UNC79: variants seen among roughly 807,000 people sequenced by gnomAD.
UNC79 encodes protein unc-79 homolog.
Under a neutral mutation model 283.1 loss-of-function variants are expected in UNC79, and 37 were observed. The ratio of observed to expected loss-of-function variants is 0.13; its 90% CI spans 0.10 to 0.17. The LOEUF (loss-of-function observed/expected upper bound fraction) is 0.17, where lower values mean the gene tolerates loss of function less well. Among genes scored for constraint, UNC79 ranks in the 10% least tolerant of loss-of-function variants. The probability of loss-of-function intolerance (pLI) is 1.00; values close to 1 mark genes in which losing one functional copy is unlikely to be tolerated. For missense variants in UNC79, 2,272 were observed against 3,211.1 expected (o/e 0.71, Z 7.07); for synonymous variants, 1,107 against 1,200.2 (o/e 0.92, Z 1.61).
At chr14:93,405,206 C>T (rs1471016111) in intron 1 of UNC79, among the ~76,000 whole-genome samples, 1 of 151,456 alleles carries the variant, frequency 6.6e-6, no homozygotes, top group Non-Finnish European at 1.5e-5. Context: ...TCGCTTGAAC[C>T]TGGGAGGCGG....
intron 39 of UNC79, among the ~76,000 whole-genome samples, chr14:93,659,850 C>T (rs2071348487): frequency 6.6e-6 from 1 of 152,164 alleles, no homozygotes; most frequent in Non-Finnish European, 1.5e-5. Flanking sequence ...ATTTCCTTTG[C>T]CTGAAATGTT....
exon 36 of UNC79, chr14:93,653,745 G>C (rs761352369): frequency 9.9e-6 from 16 of 1,612,302 alleles, no homozygotes; most frequent in South Asian, 1.1e-5. Flanking sequence ...ACTCCAGCAT[G>C]ATGGTTCCCG....
intron 5 of UNC79, among the ~76,000 whole-genome samples, chr14:93,493,826 C>A (rs1158441779): frequency 6.9e-6 from 1 of 145,376 alleles, no homozygotes. Context: ...AGGGGAAGCA[C>A]GTCTTACATG....
Position 93,683,405 on chromosome 14 carries a change from GT to G in UNC79, c.6819+718del, listed in dbSNP as rs202040496. Among the ~76,000 whole-genome samples, 1,049 of 152,088 alleles carry G rather than the reference GT, an allele frequency of 6.9e-3. 10 individuals carry two copies. Among genetic ancestry groups the G allele is most frequent in the African/African-American group, 0.024 (1,000 of 41,464 alleles). ...CACAGGCCAAGTCTAAAAGTGTGTG[GT>G]TTTTTTCCTACTCACATTCCATTGG... On this transcript the variant is annotated intron_variant, in intron 42 of 48. Transcript: ENST00000555664.
chr14:93,584,003 C>T (rs1215099724), intron 20 of UNC79, among the ~76,000 whole-genome samples: 1 of 151,888 alleles, frequency 6.6e-6, no homozygotes, highest in Admixed American at 6.6e-5. Context: ...GATGGGTTTT[C>T]GCCATGTTGC....
intron 18 of UNC79, among the ~76,000 whole-genome samples, chr14:93,579,701 T>C (rs2063675158): frequency 6.6e-6 from 1 of 152,208 alleles, no homozygotes; most frequent in African/African-American, 2.4e-5. Context: ...TGTGACAAGA[T>C]GTTCCAGGCT....
chr14:93,690,352 G>A lies in UNC79; in HGVS notation c.7272+49G>A. 2 of 1,562,350 alleles carry A rather than the reference G, an allele frequency of 1.3e-6. No homozygotes were observed. The highest frequency in any genetic ancestry group is 1.2e-5 in the South Asian group (1 of 83,134). On this transcript the variant is annotated intron_variant, in intron 45 of 48. Coordinates refer to ENST00000555664, the Ensembl canonical transcript of UNC79. The surrounding 1 kb of genome is among the most constrained non-coding windows in gnomAD (Gnocchi z 4.3). ...GACCGTATGCATCGCAATTGCTAAT[G>A]GAAACCTTATCAGCCAATTATGTTT...
rs1317260220 is a variant in UNC79, at chr14:93,365,900, A to AC, written c.-351+32378dup. 2.0e-5 allele frequency among the ~76,000 whole-genome samples: 3 copies of AC among 152,322 alleles called. No individual in the cohort carries two copies. The East Asian group carries it at 5.8e-4, about 29-fold the overall frequency. On this transcript the variant is annotated intron_variant, in intron 1 of 49. Transcript: ENST00000256339. ...GGCCTCAGATTGAAACAATCCGTCA[A>AC]CTGGAAGTAGAATAAATTATAAAAA...
chr14:93,400,328 G>A (rs910677006), intron 1 of UNC79, among the ~76,000 whole-genome samples: 2 of 151,982 alleles, frequency 1.3e-5, no homozygotes, highest in Non-Finnish European at 2.9e-5. Context: ...TATCTCAAAG[G>A]TTCTATTCTT....
intron 4 of UNC79, among the ~76,000 whole-genome samples, chr14:93,478,517 T>C (rs573601888): frequency 2.0e-5 from 3 of 152,162 alleles, no homozygotes; most frequent in Admixed American, 6.5e-5. Flanking sequence ...GAGTCAAACG[T>C]TGGGATCCAA....
chr14:93,691,647 CCCCTGTGCT>C (rs1408266543), intron 45 of UNC79, 93 bp from the exon 49 acceptor site: 2 of 1,202,616 alleles, frequency 1.7e-6, no homozygotes, highest in Non-Finnish European at 2.4e-6. Context: ...CTTTGTGCTT[CCCCTGTGCT>C]CCCTGGCAAG....
chr14:93,585,437 A>G (rs1480527731), intron 20 of UNC79, among the ~76,000 whole-genome samples: 1 of 152,140 alleles, frequency 6.6e-6, no homozygotes, highest in African/African-American at 2.4e-5. Context: ...ATTTCTTATC[A>G]TGGTCAGATA....
chr14:93,540,643 A>G lies in UNC79; in HGVS notation c.1353-17A>G, dbSNP rs1373488754. 6.2e-7 allele frequency: 1 copy of G among 1,608,610 alleles called. No individual in the cohort carries two copies. ...TTTTTTCACAGTCTAACTTGAAATC[A>G]CACTGCTCTTTGGCAGCTTGTTGAA... On this transcript the variant is annotated splice_polypyrimidine_tract_variant and intron_variant, in intron 12 of 48. Coordinates refer to ENST00000555664, the Ensembl canonical transcript of UNC79.
intron 6 of UNC79, 45 bp from the exon 7 acceptor site, chr14:93,497,108 CTTTT>C: frequency 6.4e-7 from 1 of 1,573,206 alleles, no homozygotes; most frequent in Non-Finnish European, 8.6e-7. Context: ...CTCTACCTTT[CTTTT>C]TATTTCATGA....
intron 4 of UNC79, 138 bp downstream of exon 4, chr14:93,477,866 G>C (rs983873034): frequency 1.1e-4 from 94 of 821,342 alleles, no homozygotes; most frequent in Non-Finnish European, 2.3e-5. Flanking sequence ...TTTCAATTCA[G>C]TCACTTTAGC....
chr14:93,440,600 G>T (rs2056265202), intron 1 of UNC79, among the ~76,000 whole-genome samples: 1 of 147,750 alleles, frequency 6.8e-6, no homozygotes. Context: ...ACTTCCTTTA[G>T]TTGTAGCCTA....
intron 1 of UNC79, among the ~76,000 whole-genome samples, chr14:93,374,188 C>T (rs145903886): frequency 1.4e-3 from 217 of 152,224 alleles, no homozygotes; most frequent in Non-Finnish European, 2.0e-3. Flanking sequence ...GAAGCAGGAC[C>T]GCTTCCAGGA....
chr14:93,704,750 A>G (rs967469531), intron 48 of UNC79, 84 bp downstream of exon 51: 1 of 1,495,948 alleles, frequency 6.7e-7, no homozygotes, highest in Non-Finnish European at 9.3e-7. Flanking sequence ...TGCTCCATTT[A>G]CTATGGAGAA....
At chr14:93,518,973 C>G (rs1028983110) in intron 7 of UNC79, among the ~76,000 whole-genome samples, 4 of 151,856 alleles carry the variant, frequency 2.6e-5, no homozygotes, top group Non-Finnish European at 5.9e-5. Context: ...AAATGTTGCA[C>G]GTGTACTTTA....
Sources: allele counts gnomAD v4.1 joint callset (sites outside exome capture counted in the v4.1 genomes callset), GRCh38; gene constraint gnomAD v4.1.1; non-coding constraint Gnocchi (gnomAD v3.1); transcripts MANE v1.5; gene names NCBI Gene and HGNC (gene_info 2026-07-23, HGNC 2026-07-21).